UBR4: variants seen among roughly 807,000 people sequenced by gnomAD.
The protein encoded by UBR4 is ubiquitin protein ligase E3 component n-recognin 4.
In UBR4, 124 loss-of-function variants were observed where a neutral mutation model predicts 575.6. The ratio of observed to expected loss-of-function variants is 0.22; its 90% CI spans 0.19 to 0.25. The LOEUF (loss-of-function observed/expected upper bound fraction) is 0.25. Among genes scored for constraint, UBR4 ranks in the 10% least tolerant of loss-of-function variants. The pLI is 1.00. For synonymous variants in UBR4, 2,455 were observed against 2,473.7 expected (o/e 0.99, Z 0.22); for missense variants, 4,818 against 6,478.8 (o/e 0.74, Z 8.80).
chr1:19,136,663 A>T (rs1337144855), intron 60 of UBR4, among the ~76,000 whole-genome samples: 1 of 152,222 alleles, frequency 6.6e-6, no homozygotes, highest in African/African-American at 2.4e-5. Context: ...ATCAACATTA[A>T]TTATAAATGA....
chr1:19,097,105 G>C, intron 91 of UBR4, 88 bp downstream of exon 91: 1 of 1,086,302 alleles, frequency 9.2e-7, no homozygotes, highest in Non-Finnish European at 1.3e-6. Context: ...GTACAAGAGA[G>C]AAGCAACTGA....
chr1:19,113,149 T>C (rs2080088717), intron 77 of UBR4: 2 of 388,226 alleles, frequency 5.2e-6, no homozygotes, highest in Non-Finnish European at 9.2e-6. Context: ...GGTCAGAAGC[T>C]AATACACGTG....
At chr1:19,149,618 G>T in intron 49 of UBR4, 1 of 670,822 alleles carries the variant, frequency 1.5e-6, no homozygotes, top group Non-Finnish European at 2.2e-6. Context: ...CACATGGACA[G>T]CTCTGTAGCC....
chr1:19,145,992 T>C (rs777466909), intron 52 of UBR4, 59 bp from the exon 53 acceptor site: 16 of 1,613,028 alleles, frequency 9.9e-6, no homozygotes, highest in Non-Finnish European at 5.1e-6. Flanking sequence ...TTTAATTTGT[T>C]TTAAGGTTAA....
intron 1 of UBR4, among the ~76,000 whole-genome samples, chr1:19,209,186 T>C (rs1488692928): frequency 6.6e-6 from 1 of 152,238 alleles, no homozygotes; most frequent in Non-Finnish European, 1.5e-5. Flanking sequence ...GAAGCTAAAA[T>C]GACCCAGTTA....
At chr1:19,120,840 C>T (rs2081094927) in intron 68 of UBR4, among the ~76,000 whole-genome samples, 1 of 152,222 alleles carries the variant, frequency 6.6e-6, no homozygotes, top group African/African-American at 2.4e-5. Flanking sequence ...AGAGAGCTAA[C>T]ATTTACTGAG....
At chr1:19,189,187 T>A (rs2151365013) in intron 11 of UBR4, among the ~76,000 whole-genome samples, 1 of 151,952 alleles carries the variant, frequency 6.6e-6, no homozygotes, top group South Asian at 2.1e-4. Context: ...ATGCCCATTG[T>A]CAAAGAGAGC....
chr1:19,153,443 C>G lies in UBR4; in HGVS notation c.6690G>C (p.Met2230Ile). Residue 2230 changes from methionine to isoleucine, a missense_variant, in exon 46 of 106, where the codon ATG becomes ATC. Transcript: ENST00000375254. This position sits in a 1 kb window ranked among gnomAD's most constrained non-coding sequence, Gnocchi z 4.1. ...GGCTGCCATCCTCACACAGCAGAAT[C>G]ATTGTTGTCCGCTGCTGCTCATTGC... is the stretch of plus-strand genomic sequence containing the variant. ...TACNEQQRTT[M>I]ILLCEDGSLR... 6.2e-7 allele frequency: 1 copy of G among 1,614,186 alleles called. No individual in the cohort carries two copies. Among genetic ancestry groups the G allele is most frequent in the Non-Finnish European group, 8.5e-7 (1 of 1,180,026 alleles).
rs748237585 is a variant in UBR4 at position 19,081,637 on chromosome 1, GGAA to G, written c.15009-67_15009-65del. The G allele has an allele frequency of 1.4e-4, 226 of 1,563,188 alleles. 1 individual carries two copies. In the African/African-American group the frequency reaches 2.9e-3, roughly 20 times the overall value. On this transcript the variant is annotated intron_variant, in intron 102 of 105. Coordinates refer to ENST00000375254, the MANE Select transcript of UBR4 (RefSeq NM_020765.3). ...GAAGCAGGACCCGGCAGCAAGAGCA[GGAA>G]GAATTTGCTCAATTTGTCGTTGTCT...
At chr1:19,114,354 C>G (rs2080238587) in intron 75 of UBR4, among the ~76,000 whole-genome samples, 1 of 152,094 alleles carries the variant, frequency 6.6e-6, no homozygotes, top group Non-Finnish European at 1.5e-5. Context: ...AATTTCTGTC[C>G]TTCTGACTCC....
Position 19,197,211 on chromosome 1 carries a change from A to C in UBR4, c.948T>G (p.Pro316=). The change falls in exon 8 of 106, where the codon CCT becomes CCG. Residue 316 remains proline (P), a synonymous_variant. Coordinates refer to ENST00000375254, the MANE Select transcript of UBR4 (RefSeq NM_020765.3). The part of the protein sequence containing the change: ...VTMALDTLSL[P]VLEPLNPSRL... ...GAGAAGGATTGAGAGGTTCCAACAC[A>C]GGTAGAGAAAGGGTATCCAATGCCA... 6.2e-7 allele frequency: 1 copy of C among 1,614,214 alleles called. No individual in the cohort carries two copies. Among genetic ancestry groups the C allele is most frequent in the Non-Finnish European group, 8.5e-7 (1 of 1,180,030 alleles).
At chr1:19,145,093 T>C (rs1300676540) in intron 53 of UBR4, among the ~76,000 whole-genome samples, 186 bp from the exon 54 acceptor site, 2 of 152,188 alleles carry the variant, frequency 1.3e-5, no homozygotes, top group African/African-American at 2.4e-5. Context: ...TCATTAACAG[T>C]TTCCTAAACT....
Position 19,100,688 on chromosome 1 carries a change from A to G in UBR4, c.13024-115T>C. On this transcript the variant is annotated intron_variant, in intron 88 of 105. Transcript: ENST00000375254. The surrounding 1 kb of genome is among the most constrained non-coding windows in gnomAD (Gnocchi z 4.2). ...ACACACCAAACTCAGCAAGCCCCCC[A>G]AACATTTAAAGATACAAAGGACAGG... The G allele has an allele frequency of 1.0e-6, 1 of 975,072 alleles. No individual in the cohort carries two copies. Among genetic ancestry groups the G allele is most frequent in the Non-Finnish European group, 1.5e-6 (1 of 649,984 alleles). 60.4% of individuals were successfully genotyped at this position (975,072 alleles called of 1,614,324 possible).
At chr1:19,173,690 C>A (rs1026804916) in intron 22 of UBR4, 69 bp from the exon 23 acceptor site, 1 of 1,458,916 alleles carries the variant, frequency 6.9e-7, no homozygotes, top group East Asian at 2.3e-5. Flanking sequence ...ACAGTACGAA[C>A]TACTCCAAAT....
At chr1:19,118,978 G>T in intron 70 of UBR4, 21 bp from the exon 71 acceptor site, 1 of 1,611,276 alleles carries the variant, frequency 6.2e-7, no homozygotes, top group East Asian at 2.2e-5. Flanking sequence ...ATTCAGTAAA[G>T]AAACAACTTA....
Position 19,177,441 on chromosome 1 carries a change from A to C in UBR4, c.2637+20T>G. On this transcript the variant is annotated intron_variant, in intron 19 of 105. Transcript: ENST00000375254. ...AGTTCTCAGTAATGGTGAAGCAAAAAAGAACGTGTTGGTCTGTACCTGCTC... is the reference window on the plus strand; with the variant it reads ...AGTTCTCAGTAATGGTGAAGCAAAACAGAACGTGTTGGTCTGTACCTGCTC... The C allele has an allele frequency of 1.2e-6, 2 of 1,603,824 alleles. No individual in the cohort carries two copies. Among genetic ancestry groups the C allele is most frequent in the Non-Finnish European group, 1.7e-6 (2 of 1,172,238 alleles).
rs775481121 is a variant in UBR4 at position 19,076,841 on chromosome 1, T to G, written c.15386A>C (p.His5129Pro). Residue 5129 changes from histidine to proline, a missense_variant, in exon 105 of 106, where the codon CAC becomes CCC. Around this residue, in one of 29 missense-constraint regions of UBR4, gnomAD observed 212 missense variants for 221.3 expected, o/e 0.96. Transcript: ENST00000375254. ...AGCTTCGTAGATGGGCATGTCGTTG[T>G]GGCGGATGTACTCAGCGAGAGAGCA... is the stretch of plus-strand genomic sequence containing the variant. ...WSCSLAEYIR[H>P]NDMPIYEAAD... The G allele has an allele frequency of 1.2e-6, 2 of 1,612,774 alleles. No individual in the cohort carries two copies. The highest frequency in any genetic ancestry group is 3.3e-5 in the Admixed American group (2 of 59,736).
chr1:19,134,687 G>A (rs1283432122), intron 60 of UBR4, among the ~76,000 whole-genome samples: 1 of 152,014 alleles, frequency 6.6e-6, no homozygotes, highest in South Asian at 2.1e-4. Flanking sequence ...AGTGGGGAAG[G>A]TCTTCATTTT....
At chr1:19,142,913 G>A (rs1196674938) in intron 55 of UBR4, among the ~76,000 whole-genome samples, 1 of 151,928 alleles carries the variant, frequency 6.6e-6, no homozygotes. Context: ...TTTGAGGTCA[G>A]GAGTTCGAGA....
Sources: gnomAD v4.1 joint callset for allele counts (sites outside exome capture counted in the v4.1 genomes callset) on GRCh38, gnomAD v4.1.1 for gene constraint, gnomAD v4.1.1 regional missense constraint, Gnocchi (gnomAD v3.1) non-coding constraint, MANE v1.5 for transcripts, NCBI Gene and HGNC (gene_info 2026-07-23, HGNC 2026-07-21) for gene names.